Variants in SLC8A1 observed in about 807,000 individuals in gnomAD.
SLC8A1 encodes the protein solute carrier family 8 member A1, also known as sodium/calcium exchanger 1.
A neutral mutation model predicts 68.3 loss-of-function variants in SLC8A1; 18 were observed. The observed-to-expected ratio is 0.26, with a 90% confidence interval of 0.18 to 0.39. The LOEUF is 0.39. SLC8A1 is among the 10% of genes least tolerant of loss of function. The probability of loss-of-function intolerance (pLI) is 1.00; values close to 1 mark genes in which losing one functional copy is unlikely to be tolerated. For synonymous variants in SLC8A1, 475 were observed against 415.5 expected (o/e 1.14, Z -1.74); for missense variants, 985 against 1,156.7 (o/e 0.85, Z 2.15).
rs1325916182 is a variant in SLC8A1, at chr2:40,279,680, CCTT to C, written c.1809-101828_1809-101826del. Among the ~76,000 whole-genome samples the C allele has an allele frequency of 3.9e-5, 6 of 152,188 alleles. No homozygotes were observed. The East Asian group carries it at 1.2e-3, about 29-fold the overall frequency. ...TGTGCTCTGGAAATCCTATTTCAGT[CCTT>C]CTTTTAGGGGAAGAAGTCATTACAT... On this transcript the variant is annotated intron_variant, in intron 2 of 7. Transcript: ENST00000406785.
At chr2:40,389,806 AATAT>A in intron 2 of SLC8A1, among the ~76,000 whole-genome samples, 1 of 150,342 alleles carries the variant, frequency 6.7e-6, no homozygotes, top group East Asian at 2.0e-4. Context: ...AATTTGGGGA[AATAT>A]ATATATGATA....
intron 2 of SLC8A1, among the ~76,000 whole-genome samples, chr2:40,382,033 ATT>A (rs1421247691): frequency 6.6e-6 from 1 of 152,072 alleles, no homozygotes; most frequent in Non-Finnish European, 1.5e-5. Context: ...GACAATAATC[ATT>A]GTTTCAGTGA....
intron 2 of SLC8A1, among the ~76,000 whole-genome samples, chr2:40,272,304 A>G (rs557554519): frequency 6.6e-6 from 1 of 152,336 alleles, no homozygotes; most frequent in South Asian, 2.1e-4. Flanking sequence ...TAAAACAAGA[A>G]CATGATCAGT....
chr2:40,200,196 A>AAT (rs2053935219), intron 2 of SLC8A1, among the ~76,000 whole-genome samples: 1 of 24,312 alleles, frequency 4.1e-5, no homozygotes, highest in Non-Finnish European at 7.2e-5. Context: ...ATATATTTAT[A>AAT]TATATATATA....
At chr2:40,198,821 C>T (rs1004996687) in intron 2 of SLC8A1, among the ~76,000 whole-genome samples, 7 of 151,664 alleles carry the variant, frequency 4.6e-5, no homozygotes, top group East Asian at 3.9e-4. Flanking sequence ...ACAAATTTCA[C>T]ATTAACTCAA....
rs559414056 is a variant in SLC8A1, at chr2:40,131,785, G to C, written c.2437+7616C>G. Among the ~76,000 whole-genome samples, 9 of 150,822 alleles carry C rather than the reference G, an allele frequency of 6.0e-5. No individual in the cohort carries two copies. The East Asian group carries it at 1.2e-3, about 20-fold the overall frequency. On this transcript the variant is annotated intron_variant, in intron 7 of 7. Coordinates refer to ENST00000406785, the Ensembl canonical transcript of SLC8A1. ...AGCTGTGTTTGGTCTAGCTCGGGAA[G>C]ACCAAATCTCTCTTTGTGTTCAGAT...
chr2:40,112,896 T>C (rs2034735831), exon 8 of SLC8A1: 1 of 152,340 alleles, frequency 6.6e-6, no homozygotes, highest in Non-Finnish European at 1.5e-5. Flanking sequence ...TTATGCTCTC[T>C]TAGTTAAAGA....
intron 2 of SLC8A1, among the ~76,000 whole-genome samples, chr2:40,373,936 G>C (rs903580680): frequency 3.9e-5 from 6 of 152,060 alleles, no homozygotes; most frequent in African/African-American, 1.4e-4. Context: ...GGACTAGAAG[G>C]CAACTTGATA....
exon 8 of SLC8A1, chr2:40,111,312 T>C (rs1038683550): frequency 6.6e-6 from 1 of 152,168 alleles, no homozygotes; most frequent in African/African-American, 2.4e-5. Flanking sequence ...GAATTAATCT[T>C]TTTGCTATAT....
intron 2 of SLC8A1, among the ~76,000 whole-genome samples, chr2:40,262,642 T>G (rs1011507615): frequency 6.6e-6 from 1 of 152,240 alleles, no homozygotes; most frequent in African/African-American, 2.4e-5. Context: ...GAAACATTTC[T>G]TGAGTCCCTA....
intron 4 of SLC8A1, among the ~76,000 whole-genome samples, chr2:40,167,454 G>A (rs1395724130): frequency 6.6e-6 from 1 of 152,164 alleles, no homozygotes; most frequent in Non-Finnish European, 1.5e-5. Context: ...GTATAAACAT[G>A]AGGCAATTTT....
exon 6 of SLC8A1, chr2:40,160,814 C>G (rs780327367): frequency 6.2e-7 from 1 of 1,613,158 alleles, no homozygotes; most frequent in East Asian, 2.2e-5. Flanking sequence ...AGCTGTTAGT[C>G]CCAACCACAA....
chr2:40,164,579 G>T (rs1437758482), intron 5 of SLC8A1, among the ~76,000 whole-genome samples: 4 of 152,124 alleles, frequency 2.6e-5, no homozygotes, highest in Admixed American at 1.3e-4. Flanking sequence ...CTGCCCCTCA[G>T]ATTAAACCTT....
At chr2:40,418,055 C>T (rs114692848) in intron 2 of SLC8A1, among the ~76,000 whole-genome samples, 1 of 151,984 alleles carries the variant, frequency 6.6e-6, no homozygotes, top group Admixed American at 6.6e-5. Context: ...ATATAGTTTA[C>T]AATAGCTATA....
At chr2:40,259,329 T>G (rs2064373417) in intron 2 of SLC8A1, among the ~76,000 whole-genome samples, 1 of 152,298 alleles carries the variant, frequency 6.6e-6, no homozygotes, top group Admixed American at 6.5e-5. Flanking sequence ...AACAGCTCCT[T>G]CCACACCTGT....
chr2:40,241,532 G>A (rs1305305272), intron 2 of SLC8A1, among the ~76,000 whole-genome samples: 1 of 152,192 alleles, frequency 6.6e-6, no homozygotes, highest in African/African-American at 2.4e-5. Context: ...AGCACAATGT[G>A]AGTAAAGTAC....
At chr2:40,420,181 G>C (rs970011478) in intron 2 of SLC8A1, among the ~76,000 whole-genome samples, 1 of 152,040 alleles carries the variant, frequency 6.6e-6, no homozygotes, top group African/African-American at 2.4e-5. Flanking sequence ...TTTTTTATAA[G>C]ATGAACTGCC....
chr2:40,434,135 A>G (rs1363562586), intron 1 of SLC8A1, among the ~76,000 whole-genome samples: 4 of 152,148 alleles, frequency 2.6e-5, no homozygotes, highest in African/African-American at 7.2e-5. Flanking sequence ...TTCTTAGCCA[A>G]AAGGTCACCA....
At chr2:40,290,992 T>G (rs536070429) in intron 2 of SLC8A1, among the ~76,000 whole-genome samples, 1 of 152,170 alleles carries the variant, frequency 6.6e-6, no homozygotes, top group African/African-American at 2.4e-5. Flanking sequence ...TTTCTAGACA[T>G]AAAAATTCAA....
Sources: gnomAD v4.1 joint callset for allele counts (sites outside exome capture counted in the v4.1 genomes callset) on GRCh38, gnomAD v4.1.1 for gene constraint, MANE v1.5 for transcripts, NCBI Gene and HGNC (gene_info 2026-07-23, HGNC 2026-07-21) for gene names.